MZT2A: variants seen among roughly 807,000 people sequenced by gnomAD.
The protein encoded by MZT2A is mitotic-spindle organizing protein 2A.
MZT2A carries 8 observed loss-of-function variants against 12.4 expected under a neutral mutation model. The observed-to-expected ratio is 0.64, with a 90% CI of 0.38 to 1.16. The LOEUF (loss-of-function observed/expected upper bound fraction) is 1.16, where lower values mean the gene tolerates loss of function less well. MZT2A is among the 50% of genes most tolerant of loss of function. MZT2A has a pLI of 0.01. For synonymous variants in MZT2A, 88 were observed against 107.5 expected (o/e 0.82, Z 1.12); for missense variants, 181 against 223.6 (o/e 0.81, Z 1.22).
chr2:131,470,790 A>G (rs956813948), intron 3 of MZT2A, among the ~76,000 whole-genome samples: 1 of 148,468 alleles, frequency 6.7e-6, no homozygotes, highest in African/African-American at 2.6e-5. Flanking sequence ...CATGCCTGTC[A>G]TCCCAGCACT....
chr2:131,492,245 A>C lies in MZT2A; in HGVS notation c.132T>G (p.Ala44=), dbSNP rs1042999. 7,637 of 1,585,968 alleles carry C rather than the reference A, an allele frequency of 4.8e-3. 250 individuals are homozygous for C. In the African/African-American group the frequency reaches 0.079, roughly 16 times the overall value. Residue 44 remains alanine, a synonymous_variant, in exon 1 of 3, where the codon GCT becomes GCG. Coordinates refer to ENST00000309451, the MANE Select transcript of MZT2A (RefSeq NM_001085365.2). ...GGTCGATACCGCCGCCCGCCGCCTG[A>C]GCCAGCTCGTACAGCTCCATCTCCT... is the stretch of plus-strand genomic sequence containing the variant. ...STEEMELYEL[A]QAAGGGIDPD... is the part of the protein sequence containing the mutation.
chr2:131,484,433 A>T (rs1332145537), intron 2 of MZT2A, among the ~76,000 whole-genome samples: 1 of 152,256 alleles, frequency 6.6e-6, no homozygotes, highest in Non-Finnish European at 1.5e-5. Context: ...GGGACCCTTT[A>T]GGATGTGTCC....
intron 2 of MZT2A, among the ~76,000 whole-genome samples, chr2:131,474,524 C>G (rs773351930): frequency 6.6e-6 from 1 of 150,928 alleles, no homozygotes; most frequent in Non-Finnish European, 1.5e-5. Context: ...ATTATCCTAC[C>G]TCAGCCTCCC....
Position 131,484,878 on chromosome 2 carries a change from C to T in MZT2A, c.320-660G>A, listed in dbSNP as rs537946382. Among the ~76,000 whole-genome samples, 526 of 152,324 alleles carry T rather than the reference C, an allele frequency of 3.5e-3. 6 individuals carry two copies. The highest frequency in any genetic ancestry group is 7.0e-3 in the South Asian group (34 of 4,828). ...TCCTTCTGAACACCAGAGGCTCTCT[C>T]GGATGAAGACCACAGGTTCAGAGTT... On this transcript the variant is annotated intron_variant, in intron 2 of 2. Transcript: ENST00000309451.
downstream of MZT2A, chr2:131,482,909 C>T (rs1157439149): frequency 1.3e-6 from 2 of 1,572,336 alleles, no homozygotes; most frequent in Admixed American, 1.8e-5. Flanking sequence ...AAGTTGTTTG[C>T]AATTAAAGGT....
intron 4 of MZT2A, chr2:131,469,808 CT>C (rs1267806186): frequency 2.0e-3 from 262 of 131,240 alleles, no homozygotes; most frequent in Non-Finnish European, 2.1e-3. Context: ...TCCTCCCCCC[CT>C]TTTTTTTTTT....
upstream of MZT2A, chr2:131,492,923 C>T: frequency 1.3e-6 from 2 of 1,521,202 alleles, no homozygotes; most frequent in Non-Finnish European, 1.8e-6. Context: ...ACTCCCTCCC[C>T]CCGCACTCCT....
chr2:131,491,091 G>C (rs1450014128), intron 2 of MZT2A: 18 of 807,694 alleles, frequency 2.2e-5, no homozygotes, highest in Non-Finnish European at 2.8e-5. Context: ...CAGGGAGCCA[G>C]CTCTGGGCCT....
At chr2:131,488,104 G>C (rs1189890854) in intron 2 of MZT2A, among the ~76,000 whole-genome samples, 1 of 152,136 alleles carries the variant, frequency 6.6e-6, no homozygotes, top group Non-Finnish European at 1.5e-5. Context: ...GCAGTGCAAT[G>C]ACCACGCCAG....
chr2:131,483,051 G>A (rs1207879850), downstream of MZT2A: 28 of 859,758 alleles, frequency 3.3e-5, no homozygotes, highest in South Asian at 3.7e-4. Flanking sequence ...GTTGGGTGCA[G>A]CAGGACTGTA....
chr2:131,493,021 A>C, upstream of MZT2A: 1 of 1,491,484 alleles, frequency 6.7e-7, no homozygotes, highest in East Asian at 2.5e-5. Context: ...AAGAGGTAGA[A>C]GCGCTTTTCC....
upstream of MZT2A, chr2:131,493,279 G>T: frequency 2.3e-6 from 3 of 1,332,200 alleles, no homozygotes; most frequent in Non-Finnish European, 2.9e-6. Flanking sequence ...GGGCAGGCTG[G>T]GGAGTGGAGG....
chr2:131,488,278 A>C (rs1024048326), intron 2 of MZT2A, among the ~76,000 whole-genome samples: 4 of 152,108 alleles, frequency 2.6e-5, no homozygotes, highest in Admixed American at 6.5e-5. Flanking sequence ...TTTTCCCTCA[A>C]TGACTCCAGA....
chr2:131,471,834 C>A (rs1474148207), intron 3 of MZT2A, among the ~76,000 whole-genome samples: 1 of 152,146 alleles, frequency 6.6e-6, no homozygotes, highest in African/African-American at 2.4e-5. Context: ...CTGCAGGCAG[C>A]ATGCTGAAAG....
At chr2:131,478,054 G>A in intron 2 of MZT2A, 3 of 1,430,844 alleles carry the variant, frequency 2.1e-6, no homozygotes, top group Non-Finnish European at 2.8e-6. Flanking sequence ...GATTGTGAAA[G>A]CGCCAGATAC....
intron 1 of MZT2A, 50 bp from the exon 2 acceptor site, chr2:131,492,074 C>A (rs1275317110): frequency 6.4e-7 from 1 of 1,565,924 alleles, no homozygotes; most frequent in Non-Finnish European, 8.6e-7. Context: ...CCGGCGCGGC[C>A]ACCTCCCTGA....
chr2:131,492,701 T>C (rs1038694896), upstream of MZT2A: 9 of 1,255,910 alleles, frequency 7.2e-6, no homozygotes, highest in East Asian at 2.2e-4. Context: ...CAGGCATACA[T>C]TGGGCGCTCA....
intron 2 of MZT2A, among the ~76,000 whole-genome samples, chr2:131,475,284 C>T (rs190055169): frequency 2.7e-5 from 4 of 149,242 alleles, no homozygotes; most frequent in African/African-American, 4.9e-5. Flanking sequence ...CCTGACCCAA[C>T]GTCTCCACTT....
intron 4 of MZT2A, chr2:131,469,808 C>CACCCTTTT (rs1390873773): frequency 7.6e-6 from 1 of 131,494 alleles, no homozygotes; most frequent in African/African-American, 3.9e-5. Flanking sequence ...TCCTCCCCCC[C>CACCCTTTT]TTTTTTTTTT....
Sources: gnomAD v4.1 joint callset for allele counts (sites outside exome capture counted in the v4.1 genomes callset) on GRCh38, gnomAD v4.1.1 for gene constraint, MANE v1.5 for transcripts, NCBI Gene and HGNC (gene_info 2026-07-23, HGNC 2026-07-21) for gene names.